The following PRKAB1 variants were observed in gnomAD, a reference collection of about 807,000 sequenced individuals.
The protein encoded by PRKAB1 is protein kinase AMP-activated non-catalytic subunit beta 1.
In PRKAB1, 18 loss-of-function variants were observed where a neutral mutation model predicts 32.0. The ratio of observed to expected loss-of-function variants is 0.56; its 90% confidence interval spans 0.39 to 0.83. The LOEUF is 0.83. Ranked by LOEUF, PRKAB1 falls within the 40% of genes least tolerant of loss-of-function variation. PRKAB1 has a pLI of 0.00. For missense variants in PRKAB1, 263 were observed against 352.6 expected (o/e 0.75, Z 2.03); for synonymous variants, 141 against 141.4 (o/e 1.00, Z 0.02).
chr12:119,677,650 A>C (rs1014758550), intron 5 of PRKAB1: 1 of 152,148 alleles, frequency 6.6e-6, no homozygotes, highest in Non-Finnish European at 1.5e-5. Context: ...TTTCAAGGAC[A>C]TGTAGCTTCT....
chr12:119,676,365 GT>G (rs1388844318), intron 4 of PRKAB1, among the ~76,000 whole-genome samples, 171 bp from the exon 5 acceptor site: 1 of 152,154 alleles, frequency 6.6e-6, no homozygotes, highest in Non-Finnish European at 1.5e-5. Context: ...TTCCAAAAGG[GT>G]TTTCTCCTCT....
Position 119,674,354 on chromosome 12 carries a change from C to T in PRKAB1, c.432C>T (p.Ser144=). The part of the protein sequence containing the change: ...THDPSEPIVT[S]QLGTVNNIIQ... ...TCTCTTCCCAGCCCATAGTAACCAG[C>T]CAGCTTGGCACAGTTAACAACATCA... The change falls in exon 4 of 7, where the codon AGC becomes AGT. Residue 144 remains serine (S), a synonymous_variant. Coordinates refer to ENST00000229328, the MANE Select transcript of PRKAB1 (RefSeq NM_006253.5). The surrounding 1 kb of genome is among the most constrained non-coding windows in gnomAD (Gnocchi z 4.3). 1 of 1,613,412 alleles carries T rather than the reference C, an allele frequency of 6.2e-7. No homozygotes were observed. Among genetic ancestry groups the T allele is most frequent in the Non-Finnish European group, 8.5e-7 (1 of 1,179,362 alleles).
rs1178779269 is a variant in PRKAB1, at chr12:119,674,936, C to T, written c.532+482C>T. ...TCCCTTTGGGGAGGATGCGGCTCCC[C>T]ACGGGAAACAGCCTGCACAGCCCAA... is the stretch of plus-strand genomic sequence containing the variant. On this transcript the variant is annotated intron_variant, in intron 4 of 6. Coordinates refer to ENST00000229328, the MANE Select transcript of PRKAB1 (RefSeq NM_006253.5). This position sits in a 1 kb window ranked among gnomAD's most constrained non-coding sequence, Gnocchi z 4.3. 6.6e-6 allele frequency among the ~76,000 whole-genome samples: 1 copy of T among 152,204 alleles called. No homozygotes were observed. The highest frequency in any genetic ancestry group is 1.5e-5 in the Non-Finnish European group (1 of 68,044).
chr12:119,668,281 C>A lies in PRKAB1; in HGVS notation c.37C>A (p.Arg13=), dbSNP rs771224582. 1.2e-6 allele frequency: 2 copies of A among 1,609,052 alleles called. No individual in the cohort carries two copies. The highest frequency in any genetic ancestry group is 1.7e-6 in the Non-Finnish European group (2 of 1,178,234). Residue 13 remains arginine (R), a synonymous_variant, in exon 1 of 7, where the codon CGG becomes AGG. Transcript: ENST00000229328. ...NTSSERAALE[R]HGGHKTPRRD... Reference sequence around the variant, plus strand: ...CAGCAGTGAGCGCGCCGCGCTGGAGCGGCATGGTGGCCATAAGACGCCCCG... The same window carrying A: ...CAGCAGTGAGCGCGCCGCGCTGGAGAGGCATGGTGGCCATAAGACGCCCCG...
chr12:119,670,668 A>G (rs1419007432), intron 1 of PRKAB1, among the ~76,000 whole-genome samples: 1 of 152,234 alleles, frequency 6.6e-6, no homozygotes, highest in Non-Finnish European at 1.5e-5. Context: ...TGTTGAGCAC[A>G]CACATCATCT....
chr12:119,676,470 A>C, intron 4 of PRKAB1, 67 bp from the exon 5 acceptor site: 1 of 1,464,246 alleles, frequency 6.8e-7, no homozygotes, highest in East Asian at 2.3e-5. Context: ...GATGATGACA[A>C]CATAAGTAAG....
chr12:119,671,610 C>T (rs539992323), intron 1 of PRKAB1: 2 of 293,360 alleles, frequency 6.8e-6, no homozygotes, highest in South Asian at 2.8e-5. Flanking sequence ...CCCCCATGAT[C>T]GATACCTCCA....
chr12:119,675,524 A>G (rs538124647), intron 4 of PRKAB1, among the ~76,000 whole-genome samples: 2 of 152,246 alleles, frequency 1.3e-5, no homozygotes, highest in Non-Finnish European at 2.9e-5. Context: ...ACTTACTGAT[A>G]CATGTAATTT....
intron 6 of PRKAB1, 115 bp downstream of exon 6, chr12:119,680,116 A>C: frequency 2.0e-6 from 3 of 1,486,258 alleles, no homozygotes; most frequent in Non-Finnish European, 2.8e-6. Context: ...AGGGTCTGGC[A>C]CAGGCCATCA....
At position 119,674,566 on chromosome 12, in the gene PRKAB1, A is replaced by G; in HGVS notation, c.532+112A>G. On this transcript the variant is annotated intron_variant, in intron 4 of 6. Coordinates refer to ENST00000229328, the MANE Select transcript of PRKAB1 (RefSeq NM_006253.5). This position sits in a 1 kb window ranked among gnomAD's most constrained non-coding sequence, Gnocchi z 4.3. ...GCTGAAGCTGCCCAGTCAGATAGGC[A>G]TTTATAGCCCCCACTTAAAGGCCAC... The G allele has an allele frequency of 1.4e-6, 1 of 708,488 alleles. No individual in the cohort carries two copies. Among genetic ancestry groups the G allele is most frequent in the Non-Finnish European group, 2.3e-6 (1 of 434,830 alleles). 43.9% of individuals were successfully genotyped at this position (708,488 alleles called of 1,614,324 possible). A position where few individuals can be genotyped will look rare whatever the true frequency, so the allele number is the denominator to read the frequency against.
At chr12:119,673,017 C>T (rs547517125) in intron 2 of PRKAB1, among the ~76,000 whole-genome samples, 2 of 152,258 alleles carry the variant, frequency 1.3e-5, no homozygotes, top group South Asian at 4.1e-4. Flanking sequence ...TTGCTTGAGG[C>T]TAGGAGTTCA....
rs1401096397 is a variant in PRKAB1 at position 119,674,611 on chromosome 12, G to T, written c.532+157G>T. ...GGCCACAGAACTTAATTCCTGTCAG[G>T]TTGTTGAAATTTAGCCCTAAGGGAG... is the stretch of plus-strand genomic sequence containing the variant. On this transcript the variant is annotated intron_variant, in intron 4 of 6. Coordinates refer to ENST00000229328, the MANE Select transcript of PRKAB1 (RefSeq NM_006253.5). The surrounding 1 kb of genome is among the most constrained non-coding windows in gnomAD (Gnocchi z 4.3). Among the ~76,000 whole-genome samples, 1 of 152,212 alleles carries T rather than the reference G, an allele frequency of 6.6e-6. No homozygotes were observed. The highest frequency in any genetic ancestry group is 1.5e-5 in the Non-Finnish European group (1 of 68,038).
intron 6 of PRKAB1, 65 bp downstream of exon 6, chr12:119,680,066 G>T: frequency 6.4e-7 from 1 of 1,558,570 alleles, no homozygotes; most frequent in Admixed American, 1.7e-5. Context: ...ACCCCCAGCA[G>T]TGGAATGACC....
chr12:119,679,894 A>C lies in PRKAB1; in HGVS notation c.667-39A>C. The stretch of plus-strand genomic sequence containing the variant: ...AGTAAAGGGGAGAATCTTGGTTTCC[A>C]AATCCCAAATGCTCACCGCTGCCTT... On this transcript the variant is annotated intron_variant, in intron 5 of 6. Transcript: ENST00000229328. This position sits in a 1 kb window ranked among gnomAD's most constrained non-coding sequence, Gnocchi z 4.1. 1 of 1,603,996 alleles carries C rather than the reference A, an allele frequency of 6.2e-7. No individual in the cohort carries two copies. Among genetic ancestry groups the C allele is most frequent in the Non-Finnish European group, 8.5e-7 (1 of 1,170,848 alleles).
intron 5 of PRKAB1, chr12:119,678,617 G>T (rs1955443934): frequency 1.3e-5 from 2 of 152,142 alleles, no homozygotes; most frequent in South Asian, 4.1e-4. Flanking sequence ...ACATCACATG[G>T]GATTTGTCTT....
intron 6 of PRKAB1, 71 bp downstream of exon 6, chr12:119,680,072 T>A (rs1262129822): frequency 1.6e-5 from 25 of 1,552,838 alleles, no homozygotes; most frequent in Non-Finnish European, 2.2e-5. Flanking sequence ...AGCAGTGGAA[T>A]GACCTGGCGG....
At position 119,668,637 on chromosome 12, in the gene PRKAB1, T is replaced by C. The variant is rs140399014; in HGVS notation, c.159+234T>C. On this transcript the variant is annotated intron_variant, in intron 1 of 6. Transcript: ENST00000229328. The stretch of plus-strand genomic sequence containing the variant: ...CCTGAGGGAGGAGGTGCTCACTTGG[T>C]TTAACATCATTAAGGAGAAAGCAGC... Among the ~76,000 whole-genome samples, 6 of 152,356 alleles carry C rather than the reference T, an allele frequency of 3.9e-5. No individual in the cohort carries two copies. In the East Asian group the frequency reaches 9.6e-4, roughly 24 times the overall value.
intron 2 of PRKAB1, chr12:119,673,719 G>T: frequency 2.6e-6 from 1 of 389,478 alleles, no homozygotes; most frequent in African/African-American, 2.1e-5. Flanking sequence ...TAACATTAGG[G>T]ATGTGGTTTC....
In PRKAB1 at chr12:119,668,361, C is replaced by T; in HGVS notation, c.117C>T (p.Asp39=). The change falls in exon 1 of 7, where the codon GAC becomes GAT. Residue 39 remains aspartate, a synonymous_variant. Coordinates refer to ENST00000229328, the MANE Select transcript of PRKAB1 (RefSeq NM_006253.5). ...KDGDRPKILM[D]SPEDADLFHS... is the part of the protein sequence containing the mutation. Reference sequence around the variant, plus strand: ...GGGACAGGCCCAAGATCCTGATGGACAGCCCCGAAGACGCCGACCTCTTCC... The same window carrying T: ...GGGACAGGCCCAAGATCCTGATGGATAGCCCCGAAGACGCCGACCTCTTCC... The T allele has an allele frequency of 1.2e-6, 2 of 1,613,498 alleles. No individual in the cohort carries two copies. Among genetic ancestry groups the T allele is most frequent in the Non-Finnish European group, 1.7e-6 (2 of 1,179,730 alleles).
Sources: allele counts gnomAD v4.1 joint callset (sites outside exome capture counted in the v4.1 genomes callset), GRCh38; gene constraint gnomAD v4.1.1; non-coding constraint Gnocchi (gnomAD v3.1); transcripts MANE v1.5; gene names NCBI Gene and HGNC (gene_info 2026-07-23, HGNC 2026-07-21).